DENND6A: variants seen among roughly 807,000 people sequenced by gnomAD.
DENND6A encodes the protein DENN domain containing 6A.
DENND6A carries 43 observed loss-of-function variants against 95.5 expected under a neutral mutation model. That is an observed-to-expected ratio of 0.45 (90% confidence interval 0.35 to 0.58). The LOEUF (loss-of-function observed/expected upper bound fraction) is 0.58, where lower values mean the gene tolerates loss of function less well. DENND6A is among the 20% of genes least tolerant of loss of function. DENND6A has a pLI of 0.00. For missense variants in DENND6A, 574 were observed against 736.0 expected, an observed-to-expected ratio of 0.78 and a Z score of 2.55; for synonymous variants, 257 against 260.4, an observed-to-expected ratio of 0.99 and a Z score of 0.13.
intron 1 of DENND6A, among the ~76,000 whole-genome samples, chr3:57,673,990 G>A (rs1484453308): frequency 4.6e-5 from 7 of 152,076 alleles, no homozygotes; most frequent in Admixed American, 6.5e-5. Context: ...GGGTGGTCTC[G>A]AAATCCTGAC....
At chr3:57,679,547 T>C (rs143410756) in intron 1 of DENND6A, 2 of 985,344 alleles carry the variant, frequency 2.0e-6, no homozygotes, top group Non-Finnish European at 2.4e-6. Flanking sequence ...TAAGAGGCAG[T>C]GGGGAAGGAT....
chr3:57,664,941 G>A (rs1385761429), intron 4 of DENND6A, among the ~76,000 whole-genome samples: 1 of 152,210 alleles, frequency 6.6e-6, no homozygotes, highest in East Asian at 1.9e-4. Context: ...ATTTCATGGA[G>A]GCAGCTGTTT....
Position 57,666,877 on chromosome 3 carries a change from G to A in DENND6A, c.320-642C>T, listed in dbSNP as rs969147913. Among the ~76,000 whole-genome samples, 4 of 152,008 alleles carry A rather than the reference G, an allele frequency of 2.6e-5. No individual in the cohort carries two copies. In the South Asian group the frequency reaches 6.2e-4, roughly 24 times the overall value. ...GAATTCCAAGCATCTTACCCAATACGATCACTAAGAAAACTAAAGATCTAC... is the reference window on the plus strand; with the variant it reads ...GAATTCCAAGCATCTTACCCAATACAATCACTAAGAAAACTAAAGATCTAC... On this transcript the variant is annotated intron_variant, in intron 3 of 19. Transcript: ENST00000311128.
At chr3:57,658,641 TG>T (rs1317399717) in intron 8 of DENND6A, among the ~76,000 whole-genome samples, 1 of 152,246 alleles carries the variant, frequency 6.6e-6, no homozygotes, top group Non-Finnish European at 1.5e-5. Context: ...TACTGCTATC[TG>T]TTTTTTATTC....
chr3:57,652,897 A>G (rs924865795), intron 9 of DENND6A, among the ~76,000 whole-genome samples: 4 of 152,240 alleles, frequency 2.6e-5, no homozygotes, highest in Admixed American at 2.6e-4. Context: ...ACTGAAGATG[A>G]CTAATGAGAT....
chr3:57,661,183 T>C (rs2071417322), intron 6 of DENND6A, among the ~76,000 whole-genome samples: 1 of 152,206 alleles, frequency 6.6e-6, no homozygotes, highest in Admixed American at 6.5e-5. Context: ...ACTCTGAGTA[T>C]TAGAACTGTC....
intron 1 of DENND6A, among the ~76,000 whole-genome samples, chr3:57,688,033 T>G (rs1020326351): frequency 2.6e-5 from 4 of 151,830 alleles, no homozygotes; most frequent in Non-Finnish European, 4.4e-5. Context: ...TCTTACTCTG[T>G]TGCCCAGGCA....
Position 57,650,688 on chromosome 3 carries a change from T to A in DENND6A, c.819-4250A>T, listed in dbSNP as rs74606692. Among the ~76,000 whole-genome samples the A allele has an allele frequency of 4.6e-5, 7 of 152,172 alleles. No homozygotes were observed. In the East Asian group the frequency reaches 1.4e-3, roughly 29 times the overall value. On this transcript the variant is annotated intron_variant, in intron 9 of 19. Transcript: ENST00000311128. The stretch of plus-strand genomic sequence containing the variant: ...CCACACAAAGACGTATACACAAATG[T>A]GGACAGTAGCATTATTCATAATAAC...
In DENND6A at chr3:57,628,281, A is replaced by G. The variant is rs985220033; in HGVS notation, c.1760T>C (p.Ile587Thr). ...PDTMEKLRTH[I>T]DAIILALPED... The stretch of plus-strand genomic sequence containing the variant: ...TGGCAATGCTAAGATAATGGCATCT[A>G]TGTGTGTCCGTAACTTTTCCATAGT... Residue 587 changes from isoleucine (I) to threonine (T), a missense_variant, in exon 20 of 20, where the codon ATA becomes ACA. Ile to Thr is a moderately conservative substitution (Grantham distance 89). Around this residue, in one of 2 missense-constraint regions of DENND6A, gnomAD observed 452 missense variants for 630.9 expected, o/e 0.72. Coordinates refer to ENST00000311128, the MANE Select transcript of DENND6A (RefSeq NM_152678.3). 3 of 1,614,034 alleles carry G rather than the reference A, an allele frequency of 1.9e-6. No homozygotes were observed. The highest frequency in any genetic ancestry group is 1.1e-5 in the South Asian group (1 of 91,092).
At position 57,680,113 on chromosome 3, in the gene DENND6A, G is replaced by A. The variant is rs147105024; in HGVS notation, c.238-7675C>T. Among the ~76,000 whole-genome samples, 5 of 152,194 alleles carry A rather than the reference G, an allele frequency of 3.3e-5. No homozygotes were observed. The East Asian group carries it at 9.6e-4, about 29-fold the overall frequency. On this transcript the variant is annotated intron_variant, in intron 1 of 19. Transcript: ENST00000311128. Reference sequence around the variant, plus strand: ...CAAAATAAAGTTTAAAAAAATAACAGCTCTAATTCACAGCATATACAATAG... The same window carrying A: ...CAAAATAAAGTTTAAAAAAATAACAACTCTAATTCACAGCATATACAATAG...
chr3:57,628,061 T>C lies in DENND6A; in HGVS notation c.*153A>G, dbSNP rs1322250150. ...TAAAAAGTAATGCACTAAAAAGGTC[T>C]GTTTATACAATACAGTCTTTCTACC... On this transcript the variant is annotated 3_prime_UTR_variant, in exon 20 of 20. Coordinates refer to ENST00000311128, the MANE Select transcript of DENND6A (RefSeq NM_152678.3). 11 of 1,088,546 alleles carry C rather than the reference T, an allele frequency of 1.0e-5. No homozygotes were observed. The highest frequency in any genetic ancestry group is 1.4e-5 in the Non-Finnish European group (11 of 789,034). The allele number at this position is 1,088,546 out of a possible 1,614,324, so 67.4% of individuals were successfully genotyped here. A position where few individuals can be genotyped will look rare whatever the true frequency, so the allele number is the denominator to read the frequency against.
Position 57,633,372 on chromosome 3 carries a change from T to C in DENND6A, c.1264-18A>G. 1.3e-6 allele frequency: 2 copies of C among 1,586,796 alleles called. No individual in the cohort carries two copies. The highest frequency in any genetic ancestry group is 1.7e-6 in the Non-Finnish European group (2 of 1,158,550). ...TGTACACCCTTAAAAGAGGAAATAA[T>C]GAGAATCTGTATTCTAGTGTTGGAA... On this transcript the variant is annotated intron_variant, in intron 14 of 19. Transcript: ENST00000311128.
At chr3:57,681,597 C>G (rs1373849575) in intron 1 of DENND6A, among the ~76,000 whole-genome samples, 1 of 141,804 alleles carries the variant, frequency 7.1e-6, no homozygotes, top group African/African-American at 2.6e-5. Context: ...GTGCTCCAGC[C>G]TAGGCAACAG....
chr3:57,675,753 C>CCAACCTG (rs1427512771), intron 1 of DENND6A, among the ~76,000 whole-genome samples: 1 of 152,188 alleles, frequency 6.6e-6, no homozygotes, highest in Non-Finnish European at 1.5e-5. Context: ...TATGTTATAA[C>CCAACCTG]CAACCTGACC....
At chr3:57,668,366 C>T (rs2071559909) in intron 3 of DENND6A, among the ~76,000 whole-genome samples, 1 of 152,174 alleles carries the variant, frequency 6.6e-6, no homozygotes, top group African/African-American at 2.4e-5. Context: ...TTCATCATTG[C>T]TTCAAACTCT....
intron 12 of DENND6A, among the ~76,000 whole-genome samples, chr3:57,638,551 G>A (rs1475560564): frequency 1.3e-5 from 2 of 152,074 alleles, no homozygotes; most frequent in East Asian, 1.9e-4. Context: ...TCAGCGACTC[G>A]GGGAGCTAAG....
At chr3:57,632,770 A>G (rs1409039025) in intron 15 of DENND6A, among the ~76,000 whole-genome samples, 1 of 152,180 alleles carries the variant, frequency 6.6e-6, no homozygotes, top group Non-Finnish European at 1.5e-5. Context: ...CTAGTCATTT[A>G]TTCCATAAAT....
chr3:57,640,937 G>C (rs547554979), intron 12 of DENND6A, among the ~76,000 whole-genome samples: 2 of 151,832 alleles, frequency 1.3e-5, no homozygotes, highest in South Asian at 4.2e-4. Context: ...CATGAACAAG[G>C]TACTGTATGT....
intron 12 of DENND6A, among the ~76,000 whole-genome samples, chr3:57,640,052 G>C (rs922650160): frequency 6.6e-6 from 1 of 150,564 alleles, no homozygotes; most frequent in Non-Finnish European, 1.5e-5. Context: ...TGGGCGGTCT[G>C]GAGGTCTGGA....
Sources: allele counts gnomAD v4.1 joint callset (sites outside exome capture counted in the v4.1 genomes callset), GRCh38; gene constraint gnomAD v4.1.1; regional missense constraint gnomAD v4.1.1; transcripts MANE v1.5; gene names NCBI Gene and HGNC (gene_info 2026-07-23, HGNC 2026-07-21).